The following CELF2 variants were observed in gnomAD, a reference collection of about 807,000 sequenced individuals.
The protein encoded by CELF2 is CUG triplet repeat RNA-binding protein 2.
CELF2 carries 8 observed loss-of-function variants against 62.6 expected under a neutral mutation model. The ratio of observed to expected loss-of-function variants is 0.13; its 90% CI spans 0.07 to 0.23. The LOEUF (loss-of-function observed/expected upper bound fraction) is 0.23, where lower values mean the gene tolerates loss of function less well. CELF2 is among the 10% of genes least tolerant of loss of function. CELF2 has a pLI of 1.00. For synonymous variants in CELF2, 258 were observed against 250.0 expected (o/e 1.03, Z -0.30); for missense variants, 333 against 671.0 (o/e 0.50, Z 5.56).
chr10:10,680,320 C>A, the CELF2 span, among the ~76,000 whole-genome samples: 67 of 152,116 alleles, frequency 4.4e-4, no homozygotes, highest in Admixed American at 1.7e-3. Context: ...CTAGAAAGAT[C>A]ACGAAACTCA....
upstream of CELF2, among the ~76,000 whole-genome samples, chr10:11,002,735 A>G (rs1405894374): frequency 6.6e-6 from 1 of 152,216 alleles, no homozygotes; most frequent in Non-Finnish European, 1.5e-5. This position sits in a 1 kb window ranked among gnomAD's most constrained non-coding sequence, Gnocchi z 4.4. Flanking sequence ...AAAACACAAT[A>G]GCATGAAAGG....
At chr10:10,608,226 G>A in the CELF2 span, among the ~76,000 whole-genome samples, 4 of 152,310 alleles carry the variant, frequency 2.6e-5, no homozygotes, top group Middle Eastern at 3.4e-3. Context: ...ATCCTGGAAA[G>A]CAATGGAATT....
At chr10:10,973,194 T>C (rs569634694) in intron 2 of CELF2, among the ~76,000 whole-genome samples, 1 of 151,288 alleles carries the variant, frequency 6.6e-6, no homozygotes, top group Admixed American at 6.6e-5. Flanking sequence ...GGCAGGAGGA[T>C]CGCTTGAGCC....
intron 2 of CELF2, among the ~76,000 whole-genome samples, chr10:11,169,601 C>G (rs573693544): frequency 6.6e-6 from 1 of 152,288 alleles, no homozygotes; most frequent in East Asian, 1.9e-4. Flanking sequence ...GAGCTATAGG[C>G]TAGAGCAGCT....
intron 1 of CELF2, among the ~76,000 whole-genome samples, chr10:10,811,014 G>A (rs376864320): frequency 9.9e-5 from 15 of 152,182 alleles, no homozygotes; most frequent in African/African-American, 3.4e-4. Flanking sequence ...GAGAGTATGC[G>A]CAGAGCCATC....
the CELF2 span, among the ~76,000 whole-genome samples, chr10:10,593,811 C>T: frequency 2.5e-4 from 38 of 152,302 alleles, no homozygotes; most frequent in African/African-American, 8.4e-4. Context: ...GGCTCCACCA[C>T]ATTCCACACA....
intron 12 of CELF2, among the ~76,000 whole-genome samples, 161 bp downstream of exon 12, chr10:11,326,140 A>G (rs570638940): frequency 8.5e-5 from 13 of 152,190 alleles, no homozygotes; most frequent in Non-Finnish European, 1.6e-4. Flanking sequence ...CAAAGAAAGG[A>G]AGGCTCTGGG....
chr10:10,727,729 T>TC, the CELF2 span, among the ~76,000 whole-genome samples: 1 of 149,280 alleles, frequency 6.7e-6, no homozygotes, highest in Non-Finnish European at 1.5e-5. Context: ...TGAGCTGAGA[T>TC]CGCACCACTG....
chr10:11,140,514 C>T (rs2061166891), intron 1 of CELF2, among the ~76,000 whole-genome samples: 1 of 152,060 alleles, frequency 6.6e-6, no homozygotes, highest in Non-Finnish European at 1.5e-5. Flanking sequence ...CGTCATGTAG[C>T]TCTTCTGTGT....
intron 5 of CELF2, among the ~76,000 whole-genome samples, chr10:11,261,518 C>A (rs1565619794): frequency 6.6e-6 from 1 of 151,872 alleles, no homozygotes; most frequent in Non-Finnish European, 1.5e-5. Flanking sequence ...TGTTCCAGGG[C>A]AGACACCCTC....
At chr10:10,929,587 G>A (rs542026482) in intron 2 of CELF2, 1 of 152,292 alleles carries the variant, frequency 6.6e-6, no homozygotes, top group Non-Finnish European at 1.5e-5. Flanking sequence ...AAAAATCCCA[G>A]TTCAGCCACT....
At position 11,211,789 on chromosome 10, in the gene CELF2, TGTGAGA is replaced by T. The variant is rs1025846730; in HGVS notation, c.272-5634_272-5629del. Among the ~76,000 whole-genome samples, 815 of 88,116 alleles carry T rather than the reference TGTGAGA, an allele frequency of 9.2e-3. 8 individuals are homozygous for T. Among genetic ancestry groups the T allele is most frequent in the African/African-American group, 0.036 (761 of 21,302 alleles). The allele number at this position is 88,116 out of a possible 152,430, so 57.8% of individuals were successfully genotyped here. On this transcript the variant is annotated intron_variant, in intron 2 of 12. Coordinates refer to ENST00000633077, the MANE Select transcript of CELF2 (RefSeq NM_001326342.2). The surrounding 1 kb of genome is among the most constrained non-coding windows in gnomAD (Gnocchi z 4.8). ...GTGAGTGAGAGTGTGTGTGTATGTG[TGTGAGA>T]GAGAGAGAGAGAGAGAGAGTGTGTG...
chr10:11,218,482 G>A (rs2063911390), intron 3 of CELF2, among the ~76,000 whole-genome samples: 1 of 152,122 alleles, frequency 6.6e-6, no homozygotes, highest in Non-Finnish European at 1.5e-5. Flanking sequence ...CAGGCCCCCA[G>A]AAAAGATAGC....
Position 10,934,294 on chromosome 10 carries a change from G to A in CELF2, c.89+14295G>A, listed in dbSNP as rs2066405835. Among the ~76,000 whole-genome samples, 1 of 152,174 alleles carries A rather than the reference G, an allele frequency of 6.6e-6. No homozygotes were observed. The highest frequency in any genetic ancestry group is 2.1e-4 in the South Asian group (1 of 4,826). ...TCTATCATGGTGGGAAGAGCCAGCAGCTTGTAAACTCCTCGAGGAGTGGCC... is the reference window on the plus strand; with the variant it reads ...TCTATCATGGTGGGAAGAGCCAGCAACTTGTAAACTCCTCGAGGAGTGGCC... On this transcript the variant is annotated intron_variant, in intron 2 of 13. Coordinates refer to the CELF2 transcript ENST00000636488. This position sits in a 1 kb window ranked among gnomAD's most constrained non-coding sequence, Gnocchi z 4.4.
intron 1 of CELF2, among the ~76,000 whole-genome samples, chr10:11,020,207 C>T (rs1388793972): frequency 6.6e-6 from 1 of 152,186 alleles, no homozygotes; most frequent in Non-Finnish European, 1.5e-5. Flanking sequence ...TTAGTTATTT[C>T]CAAATGATAG....
chr10:10,991,298 C>T (rs924509461), intron 2 of CELF2, among the ~76,000 whole-genome samples: 2 of 152,140 alleles, frequency 1.3e-5, no homozygotes, highest in African/African-American at 4.8e-5. Flanking sequence ...CTGACGACAG[C>T]TAATGAATTT....
the CELF2 span, among the ~76,000 whole-genome samples, chr10:10,646,054 C>T: frequency 1.3e-5 from 2 of 152,182 alleles, no homozygotes; most frequent in Admixed American, 6.5e-5. Context: ...CTTGACGTCT[C>T]ATTCTCCATT....
chr10:10,547,118 T>C, the CELF2 span, among the ~76,000 whole-genome samples: 2 of 152,076 alleles, frequency 1.3e-5, no homozygotes, highest in African/African-American at 4.8e-5. Context: ...AAAAAATTGA[T>C]ATTCAAGGAA....
In CELF2 at chr10:11,145,085, A is replaced by C. The variant is rs940549010; in HGVS notation, c.75-20401A>C. ...ATAACTGTGTTCCTCCCTGTAATGC[A>C]GTAGCCAAAGGTAATCTGTTTGTTA... is the stretch of plus-strand genomic sequence containing the variant. On this transcript the variant is annotated intron_variant, in intron 1 of 12. Coordinates refer to ENST00000633077, the MANE Select transcript of CELF2 (RefSeq NM_001326342.2). The surrounding 1 kb of genome is among the most constrained non-coding windows in gnomAD (Gnocchi z 4.3). 6.6e-6 allele frequency among the ~76,000 whole-genome samples: 1 copy of C among 152,228 alleles called. No individual in the cohort carries two copies. The highest frequency in any genetic ancestry group is 1.5e-5 in the Non-Finnish European group (1 of 68,044).
Sources: gnomAD v4.1 joint callset for allele counts (sites outside exome capture counted in the v4.1 genomes callset) on GRCh38, gnomAD v4.1.1 for gene constraint, Gnocchi (gnomAD v3.1) non-coding constraint, MANE v1.5 for transcripts, NCBI Gene and HGNC (gene_info 2026-07-23, HGNC 2026-07-21) for gene names.